The following AUTS2 variants were observed in gnomAD, a reference collection of about 807,000 sequenced individuals.
AUTS2 encodes the protein activator of transcription and developmental regulator AUTS2.
AUTS2 carries 17 observed loss-of-function variants against 112.4 expected under a neutral mutation model. That is an observed-to-expected ratio of 0.15 (90% confidence interval 0.10 to 0.23). The LOEUF (loss-of-function observed/expected upper bound fraction) is 0.23. Among genes scored for constraint, AUTS2 ranks in the 10% least tolerant of loss-of-function variants. AUTS2 has a pLI of 1.00. For synonymous variants in AUTS2, 751 were observed against 702.7 expected, an observed-to-expected ratio of 1.07 and a Z score of -1.09; for missense variants, 1,510 against 1,701.6, an observed-to-expected ratio of 0.89 and a Z score of 1.98.
rs140803146 is a variant in AUTS2 at position 70,768,374 on chromosome 7, GTC to G, written c.1734+308_1734+309del. Among the ~76,000 whole-genome samples the G allele has an allele frequency of 0.11, 16,477 of 152,214 alleles. 909 individuals are homozygous for G. Among genetic ancestry groups the G allele is most frequent in the Non-Finnish European group, 0.13 (9,083 of 67,986 alleles). ...ATGGAGTCAGTAGAGTTCCAGGAGA[GTC>G]TGAAATCACAGCATTTCAGTCGTCA... On this transcript the variant is annotated intron_variant, in intron 10 of 18. Coordinates refer to ENST00000342771, the MANE Select transcript of AUTS2 (RefSeq NM_015570.4).
At chr7:70,469,070 G>A (rs1797276683) in intron 5 of AUTS2, among the ~76,000 whole-genome samples, 1 of 152,204 alleles carries the variant, frequency 6.6e-6, no homozygotes, top group Non-Finnish European at 1.5e-5. Context: ...AAAACAGATA[G>A]CTTCAGATGG....
chr7:70,261,658 A>C (rs1445846024), intron 4 of AUTS2, among the ~76,000 whole-genome samples: 2 of 152,194 alleles, frequency 1.3e-5, no homozygotes, highest in Non-Finnish European at 2.9e-5. Flanking sequence ...AGTTTCCCTA[A>C]TGGACTCAGC....
At chr7:70,518,545 G>T (rs186737791) in intron 5 of AUTS2, among the ~76,000 whole-genome samples, 80 of 152,182 alleles carry the variant, frequency 5.3e-4, no homozygotes, top group Non-Finnish European at 2.6e-4. Context: ...TTAGCCAGGC[G>T]TGGTGGCGGG....
At chr7:69,724,825 A>T (rs942589033) in intron 1 of AUTS2, among the ~76,000 whole-genome samples, 13 of 152,172 alleles carry the variant, frequency 8.5e-5, no homozygotes, top group Admixed American at 7.2e-4. Flanking sequence ...GTTGTAGAGG[A>T]ACAACTTTTT....
intron 6 of AUTS2, among the ~76,000 whole-genome samples, chr7:70,709,048 G>C (rs1408956923): frequency 6.6e-6 from 1 of 151,478 alleles, no homozygotes. Flanking sequence ...CTCCCGAGTA[G>C]CTGGGATTAC....
chr7:70,714,915 T>C (rs1291384170), intron 6 of AUTS2, among the ~76,000 whole-genome samples: 4 of 152,346 alleles, frequency 2.6e-5, no homozygotes, highest in Non-Finnish European at 5.9e-5. Flanking sequence ...GTTTAGGTTG[T>C]GGCAACCTGA....
chr7:69,746,138 GT>G (rs1292259789), intron 1 of AUTS2, among the ~76,000 whole-genome samples: 2 of 152,066 alleles, frequency 1.3e-5, no homozygotes, highest in Non-Finnish European at 2.9e-5. Context: ...GCCTCCCAAA[GT>G]ACTGGGATTA....
chr7:70,046,636 A>T (rs1477875749), intron 2 of AUTS2, among the ~76,000 whole-genome samples: 1 of 152,198 alleles, frequency 6.6e-6, no homozygotes, highest in Non-Finnish European at 1.5e-5. Flanking sequence ...ATTTATTGGA[A>T]CATATGATGA....
At chr7:69,821,814 G>A (rs1021748610) in intron 1 of AUTS2, among the ~76,000 whole-genome samples, 1 of 151,782 alleles carries the variant, frequency 6.6e-6, no homozygotes, top group Admixed American at 6.6e-5. Context: ...TACTCCAGAG[G>A]CTGAGGTGAG....
intron 6 of AUTS2, among the ~76,000 whole-genome samples, chr7:70,753,161 TG>T (rs1395330455): frequency 6.6e-6 from 1 of 152,112 alleles, no homozygotes; most frequent in East Asian, 1.9e-4. Context: ...CTCAACTAGA[TG>T]ATAGCCAAAC....
chr7:69,727,362 C>T (rs748196251), intron 1 of AUTS2, among the ~76,000 whole-genome samples: 6 of 151,984 alleles, frequency 3.9e-5, no homozygotes, highest in African/African-American at 7.2e-5. Flanking sequence ...GGGGATGAGG[C>T]GGGTGGATCA....
intron 1 of AUTS2, among the ~76,000 whole-genome samples, chr7:69,863,170 A>G (rs1247397744): frequency 6.6e-6 from 1 of 152,136 alleles, no homozygotes. Flanking sequence ...GATTCAGCTA[A>G]CCATGCATGG....
intron 1 of AUTS2, among the ~76,000 whole-genome samples, chr7:69,701,294 A>G (rs1033518465): frequency 6.6e-6 from 1 of 152,178 alleles, no homozygotes; most frequent in South Asian, 2.1e-4. Context: ...ATAGTGGGTT[A>G]TGTTGCATTT....
At chr7:70,235,404 C>G (rs1812271152) in intron 4 of AUTS2, among the ~76,000 whole-genome samples, 2 of 152,094 alleles carry the variant, frequency 1.3e-5, no homozygotes. Context: ...TTCCAAAGTG[C>G]TGAGATTACA....
At chr7:70,460,647 G>T (rs569000778) in intron 5 of AUTS2, among the ~76,000 whole-genome samples, 20 of 152,158 alleles carry the variant, frequency 1.3e-4, no homozygotes, top group African/African-American at 4.8e-4. Context: ...CACCCCACCC[G>T]CTGAGCCTGG....
chr7:70,263,878 T>G (rs529121509), intron 4 of AUTS2, among the ~76,000 whole-genome samples: 1 of 152,316 alleles, frequency 6.6e-6, no homozygotes, highest in Non-Finnish European at 1.5e-5. Context: ...ACTTAATAAT[T>G]TCCTTCAAGA....
intron 5 of AUTS2, among the ~76,000 whole-genome samples, chr7:70,457,399 C>T (rs1233022349): frequency 6.6e-6 from 1 of 152,102 alleles, no homozygotes; most frequent in African/African-American, 2.4e-5. Flanking sequence ...TGTGTCCACA[C>T]CTCAGACACG....
chr7:69,797,176 G>T (rs116252960), intron 1 of AUTS2, among the ~76,000 whole-genome samples: 5,158 of 152,262 alleles, frequency 0.034, 125 homozygotes, highest in Middle Eastern at 0.082. Flanking sequence ...GAGACCTGGG[G>T]ACTTTTGCAG....
At position 69,779,664 on chromosome 7, in the gene AUTS2, G is replaced by A. The variant is rs1789059058; in HGVS notation, c.310-119622G>A. 2.0e-5 allele frequency among the ~76,000 whole-genome samples: 3 copies of A among 151,090 alleles called. No individual in the cohort carries two copies. In the South Asian group the frequency reaches 6.3e-4, roughly 32 times the overall value. ...TATAATCCCAGCTACTCAGGAGGCT[G>A]AGGCAGGAGAATCACTTGAACTCGG... On this transcript the variant is annotated intron_variant, in intron 1 of 18. Transcript: ENST00000342771.
Sources: gnomAD v4.1 joint callset for allele counts (sites outside exome capture counted in the v4.1 genomes callset) on GRCh38, gnomAD v4.1.1 for gene constraint, MANE v1.5 for transcripts, NCBI Gene and HGNC (gene_info 2026-07-23, HGNC 2026-07-21) for gene names.